The following GVQW3 variants were observed in gnomAD, a reference collection of about 807,000 sequenced individuals.
GVQW3 encodes the protein GVQW motif containing 3, also known as protein GVQW3.
In GVQW3, 7 loss-of-function variants were observed where a neutral mutation model predicts 12.5. That is an observed-to-expected ratio of 0.56 (90% CI 0.32 to 1.05). The LOEUF (loss-of-function observed/expected upper bound fraction) is 1.05, where lower values mean the gene tolerates loss of function less well. GVQW3 is among the 50% of genes least tolerant of loss of function. The pLI is 0.04. For synonymous variants in GVQW3, 71 were observed against 67.2 expected (o/e 1.06, Z -0.28); for missense variants, 188 against 190.8 (o/e 0.99, Z 0.09).
chr11:76,396,439 G>A (rs1946940370), intron 1 of GVQW3, among the ~76,000 whole-genome samples: 1 of 151,914 alleles, frequency 6.6e-6, no homozygotes, highest in South Asian at 2.1e-4. Flanking sequence ...CACAGCCCCC[G>A]AAGTAGCTGG....
At chr11:76,393,863 T>TA (rs1186818744) in intron 1 of GVQW3, among the ~76,000 whole-genome samples, 1 of 152,002 alleles carries the variant, frequency 6.6e-6, no homozygotes, top group Non-Finnish European at 1.5e-5. Flanking sequence ...TCCTTTGTGT[T>TA]ACAAACAATC....
At chr11:76,402,675 G>A (rs1046226166) in intron 1 of GVQW3, among the ~76,000 whole-genome samples, 2 of 152,094 alleles carry the variant, frequency 1.3e-5, no homozygotes, top group African/African-American at 4.8e-5. Flanking sequence ...GTTGCCAGAT[G>A]AGAAACAATA....
chr11:76,391,292 G>A (rs1221329320), intron 1 of GVQW3, among the ~76,000 whole-genome samples: 2 of 152,344 alleles, frequency 1.3e-5, no homozygotes, highest in Non-Finnish European at 1.5e-5. Context: ...GGGGCAGGAT[G>A]GCAGGTGTTA....
intron 1 of GVQW3, among the ~76,000 whole-genome samples, chr11:76,387,291 C>T (rs1438832870): frequency 6.6e-6 from 1 of 151,858 alleles, no homozygotes; most frequent in East Asian, 1.9e-4. Context: ...TAAAAATTAG[C>T]CGGGCGTGGT....
At chr11:76,397,139 G>A (rs1383477154) in intron 1 of GVQW3, among the ~76,000 whole-genome samples, 1 of 151,780 alleles carries the variant, frequency 6.6e-6, no homozygotes, top group Non-Finnish European at 1.5e-5. Flanking sequence ...GAGTAGCTGG[G>A]ACTACAGGTG....
rs4143163 is a variant in GVQW3 at position 76,386,593 on chromosome 11, A to G, written c.465+4300A>G. Among the ~76,000 whole-genome samples, 5 of 152,312 alleles carry G rather than the reference A, an allele frequency of 3.3e-5. No individual in the cohort carries two copies. The East Asian group carries it at 9.6e-4, about 29-fold the overall frequency. On this transcript the variant is annotated intron_variant, in intron 1 of 1. Transcript: ENST00000529331. ...GCTGCTCAGTCTCCCTGCTATTTGC[A>G]GACATCATCACCAGAGAGTTTCACT... is the stretch of plus-strand genomic sequence containing the variant.
chr11:76,408,747 C>T (rs1000594405), downstream of GVQW3: 4 of 152,206 alleles, frequency 2.6e-5, no homozygotes, highest in Non-Finnish European at 4.4e-5. Flanking sequence ...GAGCATCACA[C>T]AGCAGTCTAT....
chr11:76,403,851 C>T lies in GVQW3; in HGVS notation c.*93C>T. 1.4e-6 allele frequency: 1 copy of T among 695,598 alleles called. No homozygotes were observed. The highest frequency in any genetic ancestry group is 2.6e-6 in the Non-Finnish European group (1 of 380,694). The allele number at this position is 695,598 out of a possible 1,614,324, so 43.1% of individuals were successfully genotyped here. Reference sequence around the variant, plus strand: ...AGCGAGGAGTGCTGATGTACAAGGGCAGGAGAAGATGGATGTCACAGCTCA... The same window carrying T: ...AGCGAGGAGTGCTGATGTACAAGGGTAGGAGAAGATGGATGTCACAGCTCA... On this transcript the variant is annotated 3_prime_UTR_variant, in exon 2 of 2. Transcript: ENST00000529331.
intron 1 of GVQW3, among the ~76,000 whole-genome samples, chr11:76,397,900 T>A (rs1481629145): frequency 6.6e-6 from 1 of 152,078 alleles, no homozygotes; most frequent in African/African-American, 2.4e-5. Flanking sequence ...TTTGGGAGGC[T>A]GAGGCGGGTG....
At chr11:76,397,466 A>T (rs74868233) in intron 1 of GVQW3, among the ~76,000 whole-genome samples, 1 of 152,348 alleles carries the variant, frequency 6.6e-6, no homozygotes, top group African/African-American at 2.4e-5. Context: ...TACGTTTTTA[A>T]TTCCCTTAGG....
intron 1 of GVQW3, among the ~76,000 whole-genome samples, chr11:76,384,980 T>A (rs1946817820): frequency 6.6e-6 from 1 of 151,916 alleles, no homozygotes; most frequent in Non-Finnish European, 1.5e-5. Flanking sequence ...CCTACAGGAG[T>A]TGTTTCTAAC....
At position 76,404,351 on chromosome 11, in the gene GVQW3, C is replaced by T. The variant is rs1352226389; in HGVS notation, c.*593C>T. The T allele has an allele frequency of 1.0e-5, 2 of 198,702 alleles. No homozygotes were observed. Among genetic ancestry groups the T allele is most frequent in the Non-Finnish European group, 2.0e-5 (2 of 99,154 alleles). The allele number at this position is 198,702 out of a possible 1,614,324, so 12.3% of individuals were successfully genotyped here. On this transcript the variant is annotated 3_prime_UTR_variant, in exon 2 of 2. Coordinates refer to ENST00000529331, the MANE Select transcript of GVQW3 (RefSeq NM_001347885.2). ...TGCGGAAATAGGTTTTGTGTTCAAT[C>T]TGCTTCTCTATAAAATCCCATACAG...
chr11:76,393,781 A>G (rs115249983), intron 1 of GVQW3, among the ~76,000 whole-genome samples: 2,149 of 152,090 alleles, frequency 0.014, 53 homozygotes, highest in African/African-American at 0.049. Context: ...TATATTGAAT[A>G]TTTTAATACA....
At position 76,381,526 on chromosome 11, in the gene GVQW3, G is replaced by GTGT; in HGVS notation, c.-303_-302insTGT. ...TCCTTAAGGGCCGCGGAATCGGAGCGACCTTGGTGACTGGCAAACTCTCGG... is the reference window on the plus strand; with the variant it reads ...TCCTTAAGGGCCGCGGAATCGGAGCGTGTACCTTGGTGACTGGCAAACTCTCGG... On this transcript the variant is annotated 5_prime_UTR_variant, in exon 1 of 2. Coordinates refer to ENST00000529331, the MANE Select transcript of GVQW3 (RefSeq NM_001347885.2). The GTGT allele has an allele frequency of 3.3e-6, 1 of 300,308 alleles. No homozygotes were observed. Among genetic ancestry groups the GTGT allele is most frequent in the Non-Finnish European group, 6.2e-6 (1 of 161,046 alleles). The allele number at this position is 300,308 out of a possible 1,614,324, so 18.6% of individuals were successfully genotyped here.
rs1291961330 is a variant in GVQW3, at chr11:76,407,135, C to G, written c.*3377C>G. 1 of 152,138 alleles carries G rather than the reference C, an allele frequency of 6.6e-6. No individual in the cohort carries two copies. Among genetic ancestry groups the G allele is most frequent in the Non-Finnish European group, 1.5e-5 (1 of 68,034 alleles). The allele number at this position is 152,138 out of a possible 1,614,324, so 9.4% of individuals were successfully genotyped here. A position where few individuals can be genotyped will look rare whatever the true frequency, so the allele number is the denominator to read the frequency against. On this transcript the variant is annotated 3_prime_UTR_variant, in exon 2 of 2. Transcript: ENST00000529331. ...GCTGTGTTTAAGAAAAATTACTTAA[C>G]TTGTGAGACATTATGAAAAGGATGC...
chr11:76,403,619 G>A (rs1377074305), intron 1 of GVQW3, 41 bp from the exon 2 acceptor site: 3 of 446,676 alleles, frequency 6.7e-6, no homozygotes, highest in Non-Finnish European at 1.2e-5. Context: ...ACAAGCATGT[G>A]CCACCATGCC....
intron 1 of GVQW3, among the ~76,000 whole-genome samples, chr11:76,394,002 G>C (rs1476302828): frequency 1.3e-5 from 2 of 152,078 alleles, no homozygotes; most frequent in African/African-American, 4.8e-5. Context: ...GGGTTCAAGC[G>C]ATTTTCGTGC....
chr11:76,394,704 C>A (rs1373971327), intron 1 of GVQW3, among the ~76,000 whole-genome samples: 1 of 152,100 alleles, frequency 6.6e-6, no homozygotes, highest in Non-Finnish European at 1.5e-5. Flanking sequence ...TGGGTATATA[C>A]CTAACAATGG....
chr11:76,394,997 C>T (rs1205368700), intron 1 of GVQW3: 3 of 152,210 alleles, frequency 2.0e-5, no homozygotes, highest in African/African-American at 7.2e-5. Flanking sequence ...TCTACTAGCC[C>T]AGGACCTCCT....
Sources: allele counts gnomAD v4.1 joint callset (sites outside exome capture counted in the v4.1 genomes callset), GRCh38; gene constraint gnomAD v4.1.1; transcripts MANE v1.5; gene names NCBI Gene and HGNC (gene_info 2026-07-23, HGNC 2026-07-21).